FAT3: variants seen among roughly 807,000 people sequenced by gnomAD.
The protein encoded by FAT3 is FAT atypical cadherin 3, also known as protocadherin Fat 3.
In FAT3, 95 loss-of-function variants were observed where a neutral mutation model predicts 310.2. The observed-to-expected ratio is 0.31, with a 90% CI of 0.26 to 0.36. The LOEUF is 0.36. FAT3 is among the 10% of genes least tolerant of loss of function. The pLI is 1.00. For missense variants in FAT3, 5,408 were observed against 5,715.6 expected (o/e 0.95, Z 1.74); for synonymous variants, 2,314 against 2,192.9 (o/e 1.06, Z -1.54).
chr11:92,349,480 A>G (rs193101909), intron 1 of FAT3, among the ~76,000 whole-genome samples: 5 of 152,364 alleles, frequency 3.3e-5, no homozygotes, highest in Admixed American at 1.3e-4. Context: ...TCTACAAAGT[A>G]GACACCCCAA....
chr11:92,882,406 A>G (rs1164968735), intron 23 of FAT3, among the ~76,000 whole-genome samples: 2 of 152,034 alleles, frequency 1.3e-5, no homozygotes, highest in African/African-American at 4.8e-5. Context: ...TACCTTTTCA[A>G]TAGCATCTGT....
intron 1 of FAT3, among the ~76,000 whole-genome samples, chr11:92,259,854 C>T (rs1865469530): frequency 6.6e-6 from 1 of 152,142 alleles, no homozygotes; most frequent in Non-Finnish European, 1.5e-5. Context: ...AAGAGATTTT[C>T]AACCTGCTTT....
chr11:92,655,036 G>T (rs1404157042), intron 3 of FAT3, among the ~76,000 whole-genome samples: 1 of 152,096 alleles, frequency 6.6e-6, no homozygotes, highest in Non-Finnish European at 1.5e-5. Context: ...TTTCTGAAAG[G>T]TTATTGCTTT....
At chr11:92,456,380 G>A (rs962238232) in intron 2 of FAT3, among the ~76,000 whole-genome samples, 2 of 152,164 alleles carry the variant, frequency 1.3e-5, no homozygotes, top group African/African-American at 4.8e-5. Context: ...ATTGTCACAT[G>A]TATAACATGT....
At chr11:92,575,369 A>C (rs1189429339) in intron 3 of FAT3, among the ~76,000 whole-genome samples, 1 of 152,180 alleles carries the variant, frequency 6.6e-6, no homozygotes, top group African/African-American at 2.4e-5. Flanking sequence ...GATTTCCCAG[A>C]AACCACAACA....
chr11:92,549,672 A>T (rs959071334), intron 3 of FAT3, among the ~76,000 whole-genome samples: 5 of 152,226 alleles, frequency 3.3e-5, no homozygotes, highest in Non-Finnish European at 7.3e-5. Context: ...CACTGAAGTG[A>T]TATTATATAA....
At chr11:92,792,659 A>G (rs538866147) in intron 8 of FAT3, 108 bp from the exon 9 acceptor site, 2 of 1,039,548 alleles carry the variant, frequency 1.9e-6, no homozygotes, top group African/African-American at 1.6e-5. Context: ...GAACTGGGTC[A>G]AGCACTTTGC....
chr11:92,807,452 T>C (rs961123294), intron 12 of FAT3, among the ~76,000 whole-genome samples: 1 of 152,218 alleles, frequency 6.6e-6, no homozygotes, highest in African/African-American at 2.4e-5. Flanking sequence ...TTGTAAAACT[T>C]GCCCAGACTT....
chr11:92,774,890 T>C (rs917109137), intron 7 of FAT3, among the ~76,000 whole-genome samples: 4 of 152,160 alleles, frequency 2.6e-5, no homozygotes, highest in Non-Finnish European at 5.9e-5. Context: ...AAGAAAATCT[T>C]TGGGCTTCTC....
intron 13 of FAT3, among the ~76,000 whole-genome samples, chr11:92,821,084 A>G (rs1243272283): frequency 6.6e-6 from 1 of 152,142 alleles, no homozygotes; most frequent in Non-Finnish European, 1.5e-5. Flanking sequence ...ATTCTCATGG[A>G]TTCATGGGCC....
At chr11:92,384,819 A>G (rs1366618385) in intron 2 of FAT3, among the ~76,000 whole-genome samples, 1 of 152,218 alleles carries the variant, frequency 6.6e-6, no homozygotes, top group Non-Finnish European at 1.5e-5. Flanking sequence ...TGTCTGGAAG[A>G]AGGAGTGGGG....
At chr11:92,350,933 A>G (rs182154579) in intron 1 of FAT3, among the ~76,000 whole-genome samples, 224 of 152,238 alleles carry the variant, frequency 1.5e-3, no homozygotes, top group Non-Finnish European at 2.5e-3. Context: ...GGGTTCTAAA[A>G]ATCTGATCCT....
At chr11:92,834,767 A>C (rs1948355767) in intron 14 of FAT3, 103 bp from the exon 15 acceptor site, 9 of 1,054,768 alleles carry the variant, frequency 8.5e-6, no homozygotes, top group South Asian at 3.4e-5. Flanking sequence ...TGAATGTTTA[A>C]ATTCTTGGCT....
intron 3 of FAT3, among the ~76,000 whole-genome samples, chr11:92,681,613 A>G (rs1943482643): frequency 6.6e-6 from 1 of 152,226 alleles, no homozygotes; most frequent in African/African-American, 2.4e-5. Context: ...GGAAAAGCCC[A>G]TAACCTAAGA....
chr11:92,766,650 T>A (rs1262223358), intron 6 of FAT3: 1 of 152,234 alleles, frequency 6.6e-6, no homozygotes, highest in Non-Finnish European at 1.5e-5. Flanking sequence ...ATCGTGTACA[T>A]GGGCATCCTC....
intron 3 of FAT3, among the ~76,000 whole-genome samples, chr11:92,679,868 A>AAAAAG (rs1943422884): frequency 6.8e-6 from 1 of 148,004 alleles, no homozygotes; most frequent in Admixed American, 6.7e-5. Flanking sequence ...AAAAAAAAAA[A>AAAAAG]GTTGAACGTT....
intron 19 of FAT3, among the ~76,000 whole-genome samples, chr11:92,852,711 T>C (rs1318860256): frequency 6.6e-6 from 1 of 152,212 alleles, no homozygotes; most frequent in African/African-American, 2.4e-5. Context: ...AATGTACTTA[T>C]AATATTTATA....
intron 2 of FAT3, among the ~76,000 whole-genome samples, chr11:92,442,844 A>C (rs370790429): frequency 1.3e-5 from 2 of 152,194 alleles, no homozygotes; most frequent in African/African-American, 4.8e-5. Context: ...GTTGAGATAC[A>C]TGAGCTAAGG....
At chr11:92,287,603 G>A (rs568930456) in intron 1 of FAT3, among the ~76,000 whole-genome samples, 126 of 152,274 alleles carry the variant, frequency 8.3e-4, no homozygotes, top group African/African-American at 2.9e-3. Flanking sequence ...AAAATCCCAA[G>A]CCTTTCAAAT....
Sources: allele counts gnomAD v4.1 joint callset (sites outside exome capture counted in the v4.1 genomes callset), GRCh38; gene constraint gnomAD v4.1.1; transcripts MANE v1.5; gene names NCBI Gene and HGNC (gene_info 2026-07-23, HGNC 2026-07-21).